KAZN: variants seen among roughly 807,000 people sequenced by gnomAD.
KAZN encodes kazrin, periplakin interacting protein.
KAZN carries 40 observed loss-of-function variants against 87.4 expected under a neutral mutation model. The ratio of observed to expected loss-of-function variants is 0.46; its 90% CI spans 0.36 to 0.60. The LOEUF (loss-of-function observed/expected upper bound fraction) is 0.60, where lower values mean the gene tolerates loss of function less well. Among genes scored for constraint, KAZN ranks in the 20% least tolerant of loss-of-function variants. KAZN has a pLI of 0.00. For synonymous variants in KAZN, 466 were observed against 458.3 expected (o/e 1.02, Z -0.22); for missense variants, 898 against 1,073.9 (o/e 0.84, Z 2.29).
Position 14,418,042 on chromosome 1 carries a change from A to C in KAZN, c.250-180941A>C, listed in dbSNP as rs866773649. 3.7e-3 allele frequency among the ~76,000 whole-genome samples: 512 copies of C among 137,192 alleles called. 2 individuals carry two copies. The highest frequency in any genetic ancestry group is 6.1e-3 in the Non-Finnish European group (392 of 63,940). 90.0% of individuals were successfully genotyped at this position (137,192 alleles called of 152,430 possible). A position where few individuals can be genotyped will look rare whatever the true frequency, so the allele number is the denominator to read the frequency against. On this transcript the variant is annotated intron_variant, in intron 2 of 16. Transcript: ENST00000636203. ...AAAAAAAAAAAAAAAAAAAAAAAAA[A>C]AACCTACATCGAAAGATTTGCCATC...
At chr1:13,954,771 C>T (rs535234128) in intron 1 of KAZN, among the ~76,000 whole-genome samples, 1 of 152,308 alleles carries the variant, frequency 6.6e-6, no homozygotes, top group African/African-American at 2.4e-5. Flanking sequence ...GTAATACATT[C>T]TTCCATATGT....
At chr1:14,694,645 A>C (rs1641499332) in intron 1 of KAZN, among the ~76,000 whole-genome samples, 1 of 152,210 alleles carries the variant, frequency 6.6e-6, no homozygotes, top group South Asian at 2.1e-4. Flanking sequence ...CAGGATCTGG[A>C]AATAGATCAT....
intron 1 of KAZN, among the ~76,000 whole-genome samples, chr1:14,180,123 A>T (rs1464553431): frequency 6.6e-6 from 1 of 151,152 alleles, no homozygotes; most frequent in Non-Finnish European, 1.5e-5. Flanking sequence ...TCTATTTAAC[A>T]CCTTGATTTT....
chr1:14,102,651 G>T (rs1437329987), intron 1 of KAZN, among the ~76,000 whole-genome samples: 4 of 152,054 alleles, frequency 2.6e-5, no homozygotes, highest in Admixed American at 6.6e-5. Flanking sequence ...TCCCATCCTG[G>T]TGCCTTCAGG....
chr1:14,563,032 G>GA (rs530440585), intron 2 of KAZN, among the ~76,000 whole-genome samples: 2 of 152,220 alleles, frequency 1.3e-5, no homozygotes, highest in Non-Finnish European at 2.9e-5. Context: ...GGCAGAGGAG[G>GA]ACCAGGATGA....
chr1:13,991,693 G>T (rs1158373495), intron 1 of KAZN, among the ~76,000 whole-genome samples: 1 of 152,012 alleles, frequency 6.6e-6, no homozygotes, highest in Non-Finnish European at 1.5e-5. Context: ...TTGTAAGCTG[G>T]CTTACACTGG....
At chr1:14,619,546 T>C (rs1337731215) in intron 1 of KAZN, among the ~76,000 whole-genome samples, 1 of 152,168 alleles carries the variant, frequency 6.6e-6, no homozygotes, top group Non-Finnish European at 1.5e-5. Flanking sequence ...TAACGGAAAA[T>C]TTGCCATTTA....
Position 14,124,009 on chromosome 1 carries a change from C to T in KAZN, c.92-56426C>T, listed in dbSNP as rs566399445. On this transcript the variant is annotated intron_variant, in intron 1 of 16. Coordinates refer to the KAZN transcript ENST00000636203. ...CAATAGGAGCCCTCCCCATTCATTC[C>T]GACCCAGGTAAGGGTCTACCTTTCT... 5.3e-5 allele frequency among the ~76,000 whole-genome samples: 8 copies of T among 152,294 alleles called. No homozygotes were observed. The South Asian group carries it at 6.2e-4, about 12-fold the overall frequency.
intron 1 of KAZN, among the ~76,000 whole-genome samples, chr1:13,940,223 G>T (rs1444619042): frequency 1.3e-5 from 2 of 151,950 alleles, no homozygotes; most frequent in African/African-American, 2.4e-5. Context: ...GTTCTTCCTT[G>T]CACATCTGAT....
chr1:14,409,092 G>A (rs1571555349), intron 2 of KAZN, among the ~76,000 whole-genome samples: 1 of 152,306 alleles, frequency 6.6e-6, no homozygotes, highest in Non-Finnish European at 1.5e-5. Flanking sequence ...GGAAAGACTA[G>A]CATGGCTACT....
intron 1 of KAZN, among the ~76,000 whole-genome samples, chr1:14,939,132 C>T (rs1660777884): frequency 6.6e-6 from 1 of 152,098 alleles, no homozygotes; most frequent in East Asian, 1.9e-4. Context: ...ACCACCACAC[C>T]AGGCTAATTT....
At chr1:14,880,365 A>G in intron 1 of KAZN, among the ~76,000 whole-genome samples, 1 of 152,170 alleles carries the variant, frequency 6.6e-6, no homozygotes, top group South Asian at 2.1e-4. Context: ...TAATTAGTGG[A>G]GCTAGGATTT....
At chr1:14,102,415 C>T (rs531006591) in intron 1 of KAZN, among the ~76,000 whole-genome samples, 12 of 151,444 alleles carry the variant, frequency 7.9e-5, no homozygotes, top group Middle Eastern at 3.5e-3. Context: ...GCCATGGTGT[C>T]CACCCATGTG....
intron 1 of KAZN, among the ~76,000 whole-genome samples, chr1:14,720,370 G>A (rs947826059): frequency 5.3e-5 from 8 of 152,146 alleles, no homozygotes; most frequent in East Asian, 3.9e-4. Flanking sequence ...TCCCTAATGC[G>A]TCTTTCTTGG....
chr1:14,924,433 T>G (rs1040493464), intron 1 of KAZN: 488 of 987,252 alleles, frequency 4.9e-4, no homozygotes, highest in Non-Finnish European at 5.6e-4. Context: ...AGCCGGCGCC[T>G]TCCTGCGGGG....
At chr1:14,880,435 C>T (rs1265564479) in intron 1 of KAZN, among the ~76,000 whole-genome samples, 1 of 152,142 alleles carries the variant, frequency 6.6e-6, no homozygotes. Flanking sequence ...AATAAACTAC[C>T]CCAAACTGAG....
chr1:14,601,254 A>G (rs911159362), intron 1 of KAZN, among the ~76,000 whole-genome samples: 2 of 152,222 alleles, frequency 1.3e-5, no homozygotes, highest in African/African-American at 4.8e-5. Flanking sequence ...TCAGAAAATA[A>G]AATGTTCAAA....
At chr1:14,289,115 T>G (rs1456364423) in intron 2 of KAZN, among the ~76,000 whole-genome samples, 1 of 152,192 alleles carries the variant, frequency 6.6e-6, no homozygotes, top group African/African-American at 2.4e-5. Flanking sequence ...TGTGGTCAAT[T>G]TTGGAATAAG....
chr1:14,550,818 T>C lies in KAZN; in HGVS notation c.250-48165T>C, dbSNP rs570721105. On this transcript the variant is annotated intron_variant, in intron 2 of 16. Transcript: ENST00000636203. ...AACCCTCAGGATCAGACTGAAATTC[T>C]TCAGTCAGGCCAACCCCCAAACCAA... Among the ~76,000 whole-genome samples, 21 of 138,626 alleles carry C rather than the reference T, an allele frequency of 1.5e-4. 1 individual carries two copies. The South Asian group carries it at 5.7e-3, about 37-fold the overall frequency. The allele number at this position is 138,626 out of a possible 152,430, so 90.9% of individuals were successfully genotyped here.
Sources: gnomAD v4.1 joint callset for allele counts (sites outside exome capture counted in the v4.1 genomes callset) on GRCh38, gnomAD v4.1.1 for gene constraint, MANE v1.5 for transcripts, NCBI Gene and HGNC (gene_info 2026-07-23, HGNC 2026-07-21) for gene names.